MAGI2: variants seen among roughly 807,000 people sequenced by gnomAD.
MAGI2 encodes the protein membrane associated guanylate kinase, WW and PDZ domain containing 2.
Under a neutral mutation model 133.3 loss-of-function variants are expected in MAGI2, and 35 were observed. The ratio of observed to expected loss-of-function variants is 0.26; its 90% confidence interval spans 0.20 to 0.35. The LOEUF is 0.35. MAGI2 is among the 10% of genes least tolerant of loss of function. The pLI, the probability that MAGI2 is intolerant of heterozygous loss-of-function variation, is 1.00. For missense variants in MAGI2, 1,636 were observed against 1,863.4 expected (o/e 0.88, Z 2.25); for synonymous variants, 729 against 710.6 (o/e 1.03, Z -0.41).
chr7:78,773,829 G>A (rs1825779154), intron 2 of MAGI2, among the ~76,000 whole-genome samples: 1 of 152,202 alleles, frequency 6.6e-6, no homozygotes, highest in Non-Finnish European at 1.5e-5. Context: ...CTTCATCTGA[G>A]ATGTAATGGC....
chr7:78,345,272 T>C (rs1349162302), intron 8 of MAGI2, among the ~76,000 whole-genome samples: 1 of 152,232 alleles, frequency 6.6e-6, no homozygotes, highest in East Asian at 1.9e-4. Flanking sequence ...TTAATTATGC[T>C]GCAGTATATG....
Position 78,903,320 on chromosome 7 carries a change from G to A in MAGI2, c.418+103770C>T, listed in dbSNP as rs370617125. On this transcript the variant is annotated intron_variant, in intron 2 of 21. Coordinates refer to ENST00000354212, the MANE Select transcript of MAGI2 (RefSeq NM_012301.4). ...GCCATTCTCCTGCCTCAGCCTCCCA[G>A]GTAGCTGGGACTACAGGCGCCCGCT... Among the ~76,000 whole-genome samples the A allele has an allele frequency of 7.8e-3, 1,178 of 150,880 alleles. 3 individuals carry two copies. Among genetic ancestry groups the A allele is most frequent in the Middle Eastern group, 0.021 (6 of 288 alleles).
intron 10 of MAGI2, among the ~76,000 whole-genome samples, chr7:78,234,736 A>C (rs1031839281): frequency 1.4e-5 from 2 of 146,678 alleles, no homozygotes; most frequent in African/African-American, 2.4e-5. Context: ...TTATTCAAAA[A>C]GTAAGAGCCA....
At chr7:79,274,509 G>T (rs1475450438) in intron 1 of MAGI2, among the ~76,000 whole-genome samples, 7 of 151,834 alleles carry the variant, frequency 4.6e-5, no homozygotes, top group Admixed American at 6.6e-5. Context: ...AGGAAATGTG[G>T]CCGTGGTTCA....
chr7:78,748,340 A>C (rs1013254064), intron 2 of MAGI2, among the ~76,000 whole-genome samples: 2 of 152,204 alleles, frequency 1.3e-5, no homozygotes, highest in African/African-American at 4.8e-5. Flanking sequence ...GAAATCAACT[A>C]TAATCCAGTG....
At chr7:78,258,262 C>A (rs1793186484) in intron 9 of MAGI2, among the ~76,000 whole-genome samples, 1 of 152,192 alleles carries the variant, frequency 6.6e-6, no homozygotes, top group African/African-American at 2.4e-5. Context: ...CCTCTTCAGA[C>A]TGTGGCAGCT....
At chr7:78,413,202 C>T (rs1360276443) in intron 6 of MAGI2, among the ~76,000 whole-genome samples, 1 of 152,060 alleles carries the variant, frequency 6.6e-6, no homozygotes. Flanking sequence ...AGGTTTTGCA[C>T]TTAGACATTT....
intron 6 of MAGI2, among the ~76,000 whole-genome samples, chr7:78,395,160 G>A (rs1271881442): frequency 2.0e-5 from 3 of 152,032 alleles, no homozygotes; most frequent in African/African-American, 7.2e-5. Context: ...TCATAGATAG[G>A]GTCCTTTAGT....
chr7:79,109,921 G>T (rs1405843849), intron 1 of MAGI2, among the ~76,000 whole-genome samples: 1 of 152,018 alleles, frequency 6.6e-6, no homozygotes, highest in Non-Finnish European at 1.5e-5. Flanking sequence ...ACGATTGATT[G>T]GTTTCAGGGG....
chr7:78,343,983 A>G, intron 8 of MAGI2, 23 bp from the exon 9 acceptor site: 1 of 1,594,704 alleles, frequency 6.3e-7, no homozygotes, highest in Non-Finnish European at 8.5e-7. Context: ...ATATAAGTTA[A>G]AAAAGAAAAA....
At chr7:78,742,981 T>C (rs571224236) in intron 2 of MAGI2, among the ~76,000 whole-genome samples, 1 of 152,320 alleles carries the variant, frequency 6.6e-6, no homozygotes. Flanking sequence ...AGCCAGCCCA[T>C]GCTGCTCCAG....
Position 78,959,495 on chromosome 7 carries a change from CAA to C in MAGI2, c.418+47593_418+47594del, listed in dbSNP as rs74946836. ...TTCAATGGGCCATTATCATCTGAGG[CAA>C]AGAGAATGAGACACTACCTGTCAAT... On this transcript the variant is annotated intron_variant, in intron 2 of 21. Coordinates refer to ENST00000354212, the MANE Select transcript of MAGI2 (RefSeq NM_012301.4). Among the ~76,000 whole-genome samples the C allele has an allele frequency of 4.1e-3, 627 of 151,898 alleles. 34 individuals are homozygous for C. The East Asian group carries it at 0.12, about 28-fold the overall frequency.
intron 2 of MAGI2, among the ~76,000 whole-genome samples, chr7:78,866,842 T>C (rs974196383): frequency 1.3e-5 from 2 of 152,068 alleles, no homozygotes; most frequent in Admixed American, 6.6e-5. Flanking sequence ...TCAGAAAATT[T>C]GAAAAGATCA....
intron 1 of MAGI2, among the ~76,000 whole-genome samples, chr7:79,170,166 T>TTTTTTTTTTTTTTTTA (rs1825384312): frequency 1.0e-5 from 1 of 97,562 alleles, no homozygotes; most frequent in East Asian, 2.8e-4. Context: ...TTTTTTTTTT[T>TTTTTTTTTTTTTTTTA]GAGACAGGGT....
At chr7:78,325,327 A>G (rs1456363832) in intron 9 of MAGI2, among the ~76,000 whole-genome samples, 2 of 152,214 alleles carry the variant, frequency 1.3e-5, no homozygotes, top group Non-Finnish European at 2.9e-5. Flanking sequence ...GAGACAGTTT[A>G]TAGATGCTGA....
At chr7:78,195,849 G>A (rs1828679118) in intron 11 of MAGI2, among the ~76,000 whole-genome samples, 2 of 152,142 alleles carry the variant, frequency 1.3e-5, no homozygotes, top group Non-Finnish European at 2.9e-5. Context: ...ACCACCTATT[G>A]GCACTGCCAA....
At chr7:79,020,710 G>T (rs144534283) in intron 1 of MAGI2, among the ~76,000 whole-genome samples, 1 of 150,820 alleles carries the variant, frequency 6.6e-6, no homozygotes, top group Non-Finnish European at 1.5e-5. Flanking sequence ...AGCTTGAAGT[G>T]AGCCGAGATT....
intron 3 of MAGI2, among the ~76,000 whole-genome samples, chr7:78,550,838 T>C (rs1023048092): frequency 2.0e-5 from 3 of 152,228 alleles, no homozygotes; most frequent in African/African-American, 7.2e-5. Context: ...TAGAGACAAG[T>C]TAATGGTTTA....
chr7:79,157,850 G>GT (rs35889003), intron 1 of MAGI2, among the ~76,000 whole-genome samples: 1,472 of 84,104 alleles, frequency 0.018, 53 homozygotes, highest in African/African-American at 0.037. Context: ...TATCTAACAA[G>GT]TTTTTTTTTT....
Sources: allele counts gnomAD v4.1 joint callset (sites outside exome capture counted in the v4.1 genomes callset), GRCh38; gene constraint gnomAD v4.1.1; transcripts MANE v1.5; gene names NCBI Gene and HGNC (gene_info 2026-07-23, HGNC 2026-07-21).